The following PARVA variants were observed in gnomAD, a reference collection of about 807,000 sequenced individuals.
The protein encoded by PARVA is alpha-parvin.
PARVA carries 25 observed loss-of-function variants against 52.6 expected under a neutral mutation model. That is an observed-to-expected ratio of 0.48 (90% CI 0.35 to 0.66). The LOEUF is 0.66. Ranked by LOEUF, PARVA falls within the 30% of genes least tolerant of loss-of-function variation. The pLI, the probability that PARVA is intolerant of heterozygous loss-of-function variation, is 0.01. For missense variants in PARVA, 373 were observed against 450.9 expected (o/e 0.83, Z 1.56); for synonymous variants, 185 against 179.1 (o/e 1.03, Z -0.26).
intron 4 of PARVA, among the ~76,000 whole-genome samples, chr11:12,490,405 A>G (rs1332844794): frequency 6.7e-6 from 1 of 148,592 alleles, no homozygotes; most frequent in African/African-American, 2.5e-5. Context: ...CACACCTGTA[A>G]TCTCAGCTAC....
intron 1 of PARVA, among the ~76,000 whole-genome samples, chr11:12,379,636 G>A (rs961976313): frequency 1.9e-5 from 1 of 51,666 alleles, no homozygotes; most frequent in Non-Finnish European, 8.4e-5. Context: ...CTGTGATGCT[G>A]TGTGAAATTT....
intron 12 of PARVA, among the ~76,000 whole-genome samples, chr11:12,523,928 C>A (rs574408784): frequency 1.3e-5 from 2 of 152,240 alleles, no homozygotes; most frequent in Non-Finnish European, 2.9e-5. Flanking sequence ...TGAGATAGTC[C>A]AGTCTCCTTT....
chr11:12,518,507 G>A lies in PARVA; in HGVS notation c.1032G>A (p.Pro344=), dbSNP rs748254467. The A allele has an allele frequency of 3.6e-5, 58 of 1,612,668 alleles. No homozygotes were observed. In the South Asian group the frequency reaches 3.9e-4, roughly 11 times the overall value. ...MQDGGLEKPK[P]RPEDIVNCDL... ...ATGGAGGGTTGGAAAAGCCAAAACCGCGGCCAGAAGGTACTTTGCTCTTTC... is the reference window on the plus strand; with the variant it reads ...ATGGAGGGTTGGAAAAGCCAAAACCACGGCCAGAAGGTACTTTGCTCTTTC... Residue 344 remains proline, a synonymous_variant, in exon 12 of 13, where the codon CCG becomes CCA. Coordinates refer to ENST00000334956, the MANE Select transcript of PARVA (RefSeq NM_018222.5).
chr11:12,496,358 G>GCATGAGTGCATGCATA, intron 4 of PARVA, 100 bp from the exon 5 acceptor site: 1 of 1,238,756 alleles, frequency 8.1e-7, no homozygotes, highest in Non-Finnish European at 1.1e-6. Flanking sequence ...GTGCATGCAT[G>GCATGAGTGCATGCATA]CATGAGTGCA....
rs1349124631 is a variant in PARVA at position 12,514,114 on chromosome 11, C to T, written c.867+49C>T. 4 of 1,478,754 alleles carry T rather than the reference C, an allele frequency of 2.7e-6. No individual in the cohort carries two copies. The Admixed American group carries it at 6.7e-5, about 25-fold the overall frequency. The allele number at this position is 1,478,754 out of a possible 1,614,324, so 91.6% of individuals were successfully genotyped here. A position where few individuals can be genotyped will look rare whatever the true frequency, so the allele number is the denominator to read the frequency against. On this transcript the variant is annotated intron_variant, in intron 10 of 12. Coordinates refer to ENST00000334956, the MANE Select transcript of PARVA (RefSeq NM_018222.5). ...GTAGAGGCAGGGCCCTGCCCTACAG[C>T]CCCTGTTCCAAGTGGCCCACCACAC...
intron 5 of PARVA, among the ~76,000 whole-genome samples, chr11:12,497,091 A>C (rs1941308695): frequency 1.3e-5 from 2 of 152,188 alleles, no homozygotes; most frequent in African/African-American, 2.4e-5. Context: ...CACTGAAACA[A>C]GATGTTAAAA....
At chr11:12,498,973 G>T (rs1180348539) in intron 5 of PARVA, among the ~76,000 whole-genome samples, 1 of 152,146 alleles carries the variant, frequency 6.6e-6, no homozygotes, top group Non-Finnish European at 1.5e-5. Flanking sequence ...ATTTTTGATA[G>T]CTGTTTCTAT....
At chr11:12,452,698 G>T (rs1211943293) in intron 1 of PARVA, 2 of 227,704 alleles carry the variant, frequency 8.8e-6, no homozygotes, top group Non-Finnish European at 1.8e-5. Context: ...CCCCGAATGA[G>T]CAGAAACAAG....
chr11:12,515,815 TGATG>T (rs1941560730), intron 10 of PARVA, among the ~76,000 whole-genome samples: 1 of 152,136 alleles, frequency 6.6e-6, no homozygotes, highest in African/African-American at 2.4e-5. Flanking sequence ...GTTGCAGGCC[TGATG>T]GATAGAAGCT....
chr11:12,398,046 T>G (rs1405450318), intron 1 of PARVA, among the ~76,000 whole-genome samples: 1 of 152,092 alleles, frequency 6.6e-6, no homozygotes, highest in African/African-American at 2.4e-5. Flanking sequence ...CCAGTGTCCT[T>G]CCCTCTGCTT....
chr11:12,414,175 AG>A (rs375643050), intron 1 of PARVA, among the ~76,000 whole-genome samples: 3 of 152,332 alleles, frequency 2.0e-5, no homozygotes, highest in African/African-American at 7.2e-5. Flanking sequence ...CCAAAAGAGG[AG>A]GTTTATTTTC....
intron 4 of PARVA, chr11:12,478,376 T>TTG (rs138059535): frequency 3.5e-4 from 110 of 317,536 alleles, no homozygotes; most frequent in African/African-American, 8.6e-4. Flanking sequence ...ATCTGTGGAC[T>TTG]TGTGTGTGTG....
chr11:12,521,821 G>T (rs1941640189), intron 12 of PARVA, among the ~76,000 whole-genome samples: 1 of 152,140 alleles, frequency 6.6e-6, no homozygotes, highest in Admixed American at 6.5e-5. Flanking sequence ...GAGAATGCAG[G>T]CAACCCCAGA....
intron 1 of PARVA, among the ~76,000 whole-genome samples, chr11:12,416,240 T>C (rs1444043754): frequency 3.3e-5 from 5 of 152,216 alleles, no homozygotes; most frequent in Admixed American, 2.6e-4. Flanking sequence ...TTTCACATTA[T>C]TAATTCGAGG....
At chr11:12,392,678 A>C (rs1374296398) in intron 1 of PARVA, among the ~76,000 whole-genome samples, 1 of 152,142 alleles carries the variant, frequency 6.6e-6, no homozygotes, top group African/African-American at 2.4e-5. Flanking sequence ...GTGACTATGA[A>C]TTTGCATGTA....
chr11:12,511,000 G>A (rs1470392738), intron 7 of PARVA, among the ~76,000 whole-genome samples: 1 of 152,114 alleles, frequency 6.6e-6, no homozygotes, highest in African/African-American at 2.4e-5. Flanking sequence ...TGCACTCTTT[G>A]AGAAAACCTA....
chr11:12,449,362 G>A (rs933172901), intron 1 of PARVA, among the ~76,000 whole-genome samples: 17 of 152,002 alleles, frequency 1.1e-4, no homozygotes, highest in African/African-American at 3.6e-4. Context: ...TTGCCATGTT[G>A]GATAGGCTGG....
intron 1 of PARVA, among the ~76,000 whole-genome samples, chr11:12,412,778 T>C (rs75486022): frequency 0.15 from 23,031 of 152,202 alleles, 2,802 homozygotes; most frequent in African/African-American, 0.34. Context: ...AGCAGACCTT[T>C]ACTTCATTCA....
intron 6 of PARVA, among the ~76,000 whole-genome samples, chr11:12,507,964 GTGGACAGA>G (rs1941452672): frequency 6.6e-6 from 1 of 150,672 alleles, no homozygotes; most frequent in East Asian, 2.0e-4. Context: ...TGGGAGAAGT[GTGGACAGA>G]TGGATGGATG....
Sources: gnomAD v4.1 joint callset for allele counts (sites outside exome capture counted in the v4.1 genomes callset) on GRCh38, gnomAD v4.1.1 for gene constraint, MANE v1.5 for transcripts, NCBI Gene and HGNC (gene_info 2026-07-23, HGNC 2026-07-21) for gene names.